Variants in ZNF562 observed in about 807,000 individuals in gnomAD.
The protein encoded by ZNF562 is zinc finger protein 562.
A neutral mutation model predicts 17.5 loss-of-function variants in ZNF562; 13 were observed. The ratio of observed to expected loss-of-function variants is 0.74; its 90% CI spans 0.48 to 1.18. The LOEUF (loss-of-function observed/expected upper bound fraction) is 1.18. Among genes scored for constraint, ZNF562 ranks in the 50% most tolerant of loss-of-function variants. ZNF562 has a pLI of 0.00. For missense variants in ZNF562, 481 were observed against 498.5 expected (o/e 0.96, Z 0.33); for synonymous variants, 163 against 165.4 (o/e 0.99, Z 0.11).
At chr19:9,657,960 G>C (rs2043577702) in intron 4 of ZNF562, 49 bp downstream of exon 4, 1 of 1,573,798 alleles carries the variant, frequency 6.4e-7, no homozygotes, top group Non-Finnish European at 8.7e-7. Context: ...CAAGTATCTG[G>C]GACTACAGGT....
At chr19:9,665,219 T>TAAAAAAAAA (rs1175383402) in intron 1 of ZNF562, among the ~76,000 whole-genome samples, 1 of 109,468 alleles carries the variant, frequency 9.1e-6, no homozygotes. Context: ...AGACTCTGTC[T>TAAAAAAAAA]AAAAAAAAAA....
chr19:9,658,341 TTTTC>T (rs766864613), intron 3 of ZNF562: 118 of 984,636 alleles, frequency 1.2e-4, no homozygotes, highest in East Asian at 3.4e-4. Context: ...ACAGCACTTT[TTTTC>T]TTTCTTTCTT....
chr19:9,653,418 T>A lies in ZNF562; in HGVS notation c.812A>T (p.Asn271Ile). 6.2e-7 allele frequency: 1 copy of A among 1,614,192 alleles called. No individual in the cohort carries two copies. The highest frequency in any genetic ancestry group is 8.5e-7 in the Non-Finnish European group (1 of 1,180,036). ...TGCATGTGCAGAAAGTTGAGAAAAA[T>A]TAGTGAAGGATTTCCCACAGTTCTT... is the stretch of plus-strand genomic sequence containing the variant. ...KTKNCGKSFT[N>I]FSQLSAHAKT... The change falls in exon 6 of 6, where the codon AAT becomes ATT. Residue 271 changes from asparagine to isoleucine, a missense_variant. This residue lies in a region of ZNF562 where 403 missense variants were observed against 386.4 expected (regional missense o/e 1.04). Coordinates refer to ENST00000453372, the MANE Select transcript of ZNF562 (RefSeq NM_001130031.2).
At chr19:9,658,512 G>C (rs1308909575) in intron 3 of ZNF562, among the ~76,000 whole-genome samples, 1 of 151,896 alleles carries the variant, frequency 6.6e-6, no homozygotes, top group East Asian at 1.9e-4. Context: ...ATCACGCCTG[G>C]ATAATTTTTG....
chr19:9,665,094 C>T lies in ZNF562; in HGVS notation c.-130-4220G>A, dbSNP rs147658591. ...AACATTAGCTGGGCATGGTGGCACA[C>T]GCCTGAAGTCCCAGCTACTCAGGAT... On this transcript the variant is annotated intron_variant, in intron 1 of 5. Coordinates refer to ENST00000453372, the MANE Select transcript of ZNF562 (RefSeq NM_001130031.2). Among the ~76,000 whole-genome samples the T allele has an allele frequency of 2.9e-3, 438 of 152,026 alleles. 2 individuals carry two copies. The highest frequency in any genetic ancestry group is 0.02 in the Middle Eastern group (6 of 294).
chr19:9,667,895 G>A (rs2044013534), intron 1 of ZNF562, among the ~76,000 whole-genome samples: 1 of 151,942 alleles, frequency 6.6e-6, no homozygotes, highest in South Asian at 2.1e-4. Context: ...ATGCTCAGCT[G>A]ACATAATCAT....
chr19:9,658,768 T>TTATCTATCTAGCATCTATC (rs1330694707), intron 3 of ZNF562, among the ~76,000 whole-genome samples: 1 of 152,188 alleles, frequency 6.6e-6, no homozygotes, highest in African/African-American at 2.4e-5. Flanking sequence ...ACATTAATTT[T>TTATCTATCTAGCATCTATC]TATCTATCTA....
chr19:9,659,902 G>A (rs1276141138), intron 2 of ZNF562, among the ~76,000 whole-genome samples: 26 of 111,548 alleles, frequency 2.3e-4, no homozygotes, highest in African/African-American at 2.4e-4. Context: ...GACCAGCCTG[G>A]CCAACATGGC....
rs2043636786 is a variant in ZNF562 at position 9,659,364 on chromosome 19, A to G, written c.114+15T>C. On this transcript the variant is annotated intron_variant, in intron 3 of 5. Transcript: ENST00000453372. Reference sequence around the variant, plus strand: ...TAAGTATGTCATTTTGTACAACGGTACATTTTCTGTTTACCTGGTAAGAAT... The same window carrying G: ...TAAGTATGTCATTTTGTACAACGGTGCATTTTCTGTTTACCTGGTAAGAAT... 1.9e-6 allele frequency: 3 copies of G among 1,546,694 alleles called. No homozygotes were observed. Among genetic ancestry groups the G allele is most frequent in the Middle Eastern group, 1.7e-4 (1 of 5,978 alleles).
rs1408635423 is a variant in ZNF562, at chr19:9,672,366, G to A, written c.-131+2649C>T. On this transcript the variant is annotated intron_variant, in intron 1 of 5. Coordinates refer to ENST00000453372, the MANE Select transcript of ZNF562 (RefSeq NM_001130031.2). ...CTATTTTTAGGAGGTGCATTACAAA[G>A]TATTTAAAGGTCAAGCATCACATGT... Among the ~76,000 whole-genome samples, 5 of 152,242 alleles carry A rather than the reference G, an allele frequency of 3.3e-5. No homozygotes were observed. The East Asian group carries it at 9.6e-4, about 29-fold the overall frequency.
chr19:9,644,442 G>A lies in ZNF562; in HGVS notation c.*8507C>T, dbSNP rs1044303777. On this transcript the variant is annotated 3_prime_UTR_variant, in exon 6 of 6. Transcript: ENST00000453372. Reference sequence around the variant, plus strand: ...ACCTTCTCTACCAAAATAAAAAAGTGTGAGTTTAGGTGCTGTGTTCCTTGT... The same window carrying A: ...ACCTTCTCTACCAAAATAAAAAAGTATGAGTTTAGGTGCTGTGTTCCTTGT... 1 of 152,092 alleles carries A rather than the reference G, an allele frequency of 6.6e-6. No homozygotes were observed. The highest frequency in any genetic ancestry group is 6.6e-5 in the Admixed American group (1 of 15,260). The allele number at this position is 152,092 out of a possible 1,614,324, so 9.4% of individuals were successfully genotyped here. A position where few individuals can be genotyped will look rare whatever the true frequency, so the allele number is the denominator to read the frequency against.
At chr19:9,666,184 C>G (rs994222357) in intron 1 of ZNF562, among the ~76,000 whole-genome samples, 22 of 151,822 alleles carry the variant, frequency 1.4e-4, no homozygotes, top group African/African-American at 5.3e-4. Context: ...ATTAGCTAGA[C>G]ATGGTGGTGC....
chr19:9,667,034 C>G (rs1355060896), intron 1 of ZNF562, among the ~76,000 whole-genome samples: 3 of 134,506 alleles, frequency 2.2e-5, no homozygotes, highest in African/African-American at 9.9e-5. Flanking sequence ...GAGCATTATT[C>G]TCATATCAAA....
Position 9,652,823 on chromosome 19 carries a change from T to C in ZNF562, c.*126A>G. 1 of 815,650 alleles carries C rather than the reference T, an allele frequency of 1.2e-6. No homozygotes were observed. The highest frequency in any genetic ancestry group is 2.7e-5 in the East Asian group (1 of 37,546). The allele number at this position is 815,650 out of a possible 1,614,324, so 50.5% of individuals were successfully genotyped here. ...TTTCTCCCCAGTGTGAATTCTTTCA[T>C]GCATACTTAGGCATGAGGAAAGAGC... On this transcript the variant is annotated 3_prime_UTR_variant, in exon 6 of 6. Transcript: ENST00000453372.
intron 1 of ZNF562, among the ~76,000 whole-genome samples, chr19:9,665,635 C>T (rs1336701664): frequency 1.3e-5 from 2 of 152,190 alleles, no homozygotes; most frequent in African/African-American, 4.8e-5. Flanking sequence ...GGAATATGCC[C>T]TTTAGGACTC....
chr19:9,653,719 T>C lies in ZNF562; in HGVS notation c.511A>G (p.Ile171Val), dbSNP rs749145132. The C allele has an allele frequency of 8.7e-6, 14 of 1,613,986 alleles. No homozygotes were observed. The highest frequency in any genetic ancestry group is 1.1e-5 in the Non-Finnish European group (13 of 1,179,970). Residue 171 changes from isoleucine (I) to valine (V), a missense_variant, in exon 6 of 6, where the codon ATT becomes GTT. By Grantham distance (29) the Ile-to-Val change is conservative. Transcript: ENST00000453372. ...DSISVHKEAS[I>V]GQELSKFNPC... is the part of the protein sequence containing the mutation. ...TTAAATTTGGAAAGTTCTTGTCCAA[T>C]AGAGGCTTCCTTGTGCACACTGATG...
At chr19:9,674,287 G>A (rs2044316990) in intron 1 of ZNF562, among the ~76,000 whole-genome samples, 1 of 152,198 alleles carries the variant, frequency 6.6e-6, no homozygotes, top group Admixed American at 6.5e-5. Context: ...TCTGGGTGGA[G>A]CAGGTAATCA....
Position 9,658,111 on chromosome 19 carries a change from C to T in ZNF562, c.139G>A (p.Ala47Thr), listed in dbSNP as rs2043586799. ...CACTCCTCTGGGGTGAACTCCACAG[C>T]CACATCATCAAACGTCACTGAATCC... ...YQDSVTFDDV[A>T]VEFTPEEWAL... The change falls in exon 4 of 6, where the codon GCT becomes ACT. Residue 47 changes from alanine to threonine, a missense_variant. By Grantham distance (58) the Ala-to-Thr change is moderately conservative. Around this residue, in one of 2 missense-constraint regions of ZNF562, gnomAD observed 403 missense variants for 386.4 expected, o/e 1.04. Coordinates refer to ENST00000453372, the MANE Select transcript of ZNF562 (RefSeq NM_001130031.2). The T allele has an allele frequency of 1.2e-6, 2 of 1,613,686 alleles. No homozygotes were observed. Among genetic ancestry groups the T allele is most frequent in the Non-Finnish European group, 1.7e-6 (2 of 1,179,764 alleles).
In ZNF562 at chr19:9,649,023, C is replaced by G. The variant is rs1308411310; in HGVS notation, c.*3926G>C. The G allele has an allele frequency of 6.6e-6, 1 of 152,172 alleles. No homozygotes were observed. The highest frequency in any genetic ancestry group is 1.5e-5 in the Non-Finnish European group (1 of 68,022). 9.4% of individuals were successfully genotyped at this position (152,172 alleles called of 1,614,324 possible). A position where few individuals can be genotyped will look rare whatever the true frequency, so the allele number is the denominator to read the frequency against. Reference sequence around the variant, plus strand: ...GTTGCAGGAAGTCAGGGACCCCAAACGGGGGGACTGGCTGAAGCCATGGCA... The same window carrying G: ...GTTGCAGGAAGTCAGGGACCCCAAAGGGGGGGACTGGCTGAAGCCATGGCA... On this transcript the variant is annotated 3_prime_UTR_variant, in exon 6 of 6. Coordinates refer to ENST00000453372, the MANE Select transcript of ZNF562 (RefSeq NM_001130031.2).
Sources: allele counts gnomAD v4.1 joint callset (sites outside exome capture counted in the v4.1 genomes callset), GRCh38; gene constraint gnomAD v4.1.1; regional missense constraint gnomAD v4.1.1; transcripts MANE v1.5; gene names NCBI Gene and HGNC (gene_info 2026-07-23, HGNC 2026-07-21).